RANBP2: variants seen among roughly 807,000 people sequenced by gnomAD.
The protein encoded by RANBP2 is E3 SUMO-protein ligase RanBP2.
Under a neutral mutation model 303.6 loss-of-function variants are expected in RANBP2, and 57 were observed. The observed-to-expected ratio is 0.19, with a 90% CI of 0.15 to 0.23. The LOEUF is 0.23. RANBP2 is among the 10% of genes least tolerant of loss of function. RANBP2 has a pLI of 1.00. For missense variants in RANBP2, 3,138 were observed against 3,780.8 expected, an observed-to-expected ratio of 0.83 and a Z score of 4.46; for synonymous variants, 1,167 against 1,301.5, an observed-to-expected ratio of 0.90 and a Z score of 2.23.
At chr2:108,732,011 T>C (rs1176287869) in intron 4 of RANBP2, 1 of 155,320 alleles carries the variant, frequency 6.4e-6, no homozygotes, top group Admixed American at 6.3e-5. Context: ...GAGTAAAATA[T>C]AGTTTACTAA....
intron 12 of RANBP2, among the ~76,000 whole-genome samples, chr2:108,752,792 C>CAAAAAAAAA (rs376345958): frequency 1.5e-5 from 2 of 130,346 alleles, no homozygotes; most frequent in Admixed American, 1.5e-4. Flanking sequence ...GACTCTGTCT[C>CAAAAAAAAA]AAAAAAAAAA....
At chr2:109,693,281 T>C in the RANBP2 span, among the ~76,000 whole-genome samples, 1 of 152,140 alleles carries the variant, frequency 6.6e-6, no homozygotes, top group Admixed American at 6.5e-5. Context: ...AAGTGATTCT[T>C]ATGCCTCACC....
the RANBP2 span, among the ~76,000 whole-genome samples, chr2:109,625,193 T>C: frequency 5.9e-5 from 9 of 151,446 alleles, no homozygotes; most frequent in African/African-American, 2.2e-4. Flanking sequence ...TTTTAGCCCC[T>C]GGGAATTCCC....
chr2:109,551,779 T>C, the RANBP2 span, among the ~76,000 whole-genome samples: 11 of 152,194 alleles, frequency 7.2e-5, no homozygotes, highest in Non-Finnish European at 1.5e-4. Flanking sequence ...ACTAGCACAA[T>C]TGGATTACAG....
chr2:109,408,767 A>G, the RANBP2 span, among the ~76,000 whole-genome samples: 90,295 of 152,154 alleles, frequency 0.59, 27,802 homozygotes, highest in African/African-American at 0.76. Context: ...CTGTTTGAAG[A>G]CAGAATGGAT....
the RANBP2 span, among the ~76,000 whole-genome samples, chr2:109,187,837 A>G: frequency 6.6e-6 from 1 of 152,150 alleles, no homozygotes; most frequent in African/African-American, 2.4e-5. Flanking sequence ...CCAGGACCCC[A>G]TTCTCAGCTT....
downstream of RANBP2, chr2:108,787,888 T>A (rs1459223036): frequency 1.5e-6 from 1 of 668,866 alleles, no homozygotes; most frequent in Non-Finnish European, 2.4e-6. Context: ...TTGATGATAT[T>A]AGTTTTGATC....
chr2:109,208,993 C>T, the RANBP2 span, among the ~76,000 whole-genome samples: 13 of 152,310 alleles, frequency 8.5e-5, no homozygotes, highest in South Asian at 6.2e-4. Context: ...CACAGAGGCC[C>T]GACATCAACA....
At chr2:108,926,096 G>C in the RANBP2 span, among the ~76,000 whole-genome samples, 741 of 152,244 alleles carry the variant, frequency 4.9e-3, 10 homozygotes, top group African/African-American at 0.017. Context: ...ACTCCTCACC[G>C]CCTGGCTTAC....
the RANBP2 span, among the ~76,000 whole-genome samples, chr2:109,375,691 G>C: frequency 6.6e-6 from 1 of 152,262 alleles, no homozygotes; most frequent in Non-Finnish European, 1.5e-5. Context: ...GTCATCCAGA[G>C]TTCTGCCCTC....
the RANBP2 span, among the ~76,000 whole-genome samples, chr2:109,647,441 C>T: frequency 1.5e-4 from 23 of 151,766 alleles, no homozygotes; most frequent in Non-Finnish European, 3.1e-4. Context: ...GGATTACAGG[C>T]GTGAGCCACC....
the RANBP2 span, among the ~76,000 whole-genome samples, chr2:109,223,685 A>AC: frequency 1.3e-5 from 2 of 151,990 alleles, no homozygotes; most frequent in Admixed American, 1.3e-4. Context: ...TCTGCCCCCC[A>AC]CGTGATGCTG....
the RANBP2 span, among the ~76,000 whole-genome samples, chr2:109,611,226 A>T: frequency 5.9e-5 from 9 of 152,246 alleles, no homozygotes; most frequent in African/African-American, 9.6e-5. Flanking sequence ...ATAAACTATA[A>T]AACTTTTAGG....
At chr2:108,898,850 A>G in the RANBP2 span, among the ~76,000 whole-genome samples, 28 of 152,204 alleles carry the variant, frequency 1.8e-4, no homozygotes, top group African/African-American at 6.5e-4. Context: ...AATCAGTGAG[A>G]TGGATAATGG....
the RANBP2 span, among the ~76,000 whole-genome samples, chr2:109,130,722 C>T: frequency 5.9e-5 from 9 of 152,302 alleles, no homozygotes; most frequent in African/African-American, 2.2e-4. Flanking sequence ...AGGTCTTCTC[C>T]TGGGCTCCCA....
At chr2:109,047,172 T>A in the RANBP2 span, among the ~76,000 whole-genome samples, 2 of 151,558 alleles carry the variant, frequency 1.3e-5, no homozygotes, top group African/African-American at 4.9e-5. Context: ...CCTGCTCCCC[T>A]CAACAGAGCC....
chr2:109,015,603 C>T, the RANBP2 span, among the ~76,000 whole-genome samples: 1 of 151,722 alleles, frequency 6.6e-6, no homozygotes, highest in Non-Finnish European at 1.5e-5. Flanking sequence ...ACTAAAAATA[C>T]AAAAATTAGC....
the RANBP2 span, among the ~76,000 whole-genome samples, chr2:109,252,846 A>G: frequency 6.6e-6 from 1 of 152,190 alleles, no homozygotes; most frequent in Non-Finnish European, 1.5e-5. Context: ...AACACTGGTT[A>G]TATAGGTATG....
chr2:109,726,368 C>T, the RANBP2 span, among the ~76,000 whole-genome samples: 1 of 151,964 alleles, frequency 6.6e-6, no homozygotes, highest in African/African-American at 2.4e-5. Flanking sequence ...CAGGATCGCA[C>T]CACTGCACTC....
Sources: allele counts gnomAD v4.1 joint callset (sites outside exome capture counted in the v4.1 genomes callset), GRCh38; gene constraint gnomAD v4.1.1; transcripts MANE v1.5; gene names NCBI Gene and HGNC (gene_info 2026-07-23, HGNC 2026-07-21).